ASIC2: variants seen among roughly 807,000 people sequenced by gnomAD.
The protein encoded by ASIC2 is acid-sensing ion channel 2.
ASIC2 carries 25 observed loss-of-function variants against 57.3 expected under a neutral mutation model. That is an observed-to-expected ratio of 0.44 (90% CI 0.32 to 0.61). The LOEUF is 0.61. ASIC2 is among the 20% of genes least tolerant of loss of function. The pLI, the probability that ASIC2 is intolerant of heterozygous loss-of-function variation, is 0.06. For missense variants in ASIC2, 641 were observed against 738.1 expected (o/e 0.87, Z 1.52); for synonymous variants, 319 against 307.5 (o/e 1.04, Z -0.39).
intron 1 of ASIC2, among the ~76,000 whole-genome samples, chr17:33,344,198 A>G (rs17249146): frequency 0.24 from 35,962 of 152,150 alleles, 4,428 homozygotes; most frequent in East Asian, 0.41. Flanking sequence ...TGCCCAATAC[A>G]GGGTGGATGC....
chr17:33,865,771 AC>A lies in ASIC2; in HGVS notation c.555+290206del, dbSNP rs375035162. On this transcript the variant is annotated intron_variant, in intron 1 of 9. Transcript: ENST00000359872. ...AATAAAAAAAAAATAAAAAAAAAAA[AC>A]AAAAAAAAAAACGTTTTTTTATTGA... Among the ~76,000 whole-genome samples the A allele has an allele frequency of 5.3e-3, 428 of 80,714 alleles. 2 individuals carry two copies. Among genetic ancestry groups the A allele is most frequent in the African/African-American group, 0.011 (213 of 19,180 alleles). The allele number at this position is 80,714 out of a possible 152,430, so 53.0% of individuals were successfully genotyped here.
At chr17:33,961,741 G>A (rs1904928073) in intron 1 of ASIC2, among the ~76,000 whole-genome samples, 2 of 109,340 alleles carry the variant, frequency 1.8e-5, no homozygotes, top group South Asian at 5.5e-4. Context: ...ATATTTGGGA[G>A]GGAAAAAAAA....
At chr17:33,462,444 A>G (rs1055697693) in intron 1 of ASIC2, among the ~76,000 whole-genome samples, 2 of 152,104 alleles carry the variant, frequency 1.3e-5, no homozygotes, top group East Asian at 1.9e-4. Flanking sequence ...TCTGACTCTG[A>G]CTATGTGGAT....
chr17:34,134,690 C>T (rs1228724883), intron 1 of ASIC2, among the ~76,000 whole-genome samples: 2 of 152,192 alleles, frequency 1.3e-5, no homozygotes, highest in African/African-American at 4.8e-5. Context: ...GCACCACATA[C>T]TCCAGAATCT....
At chr17:33,450,765 T>C (rs77637418) in intron 1 of ASIC2, among the ~76,000 whole-genome samples, 2,446 of 152,252 alleles carry the variant, frequency 0.016, 28 homozygotes, top group Non-Finnish European at 0.022. Flanking sequence ...AGTAATTGTG[T>C]CTAGATGTGG....
At chr17:33,462,687 C>T (rs1057434737) in intron 1 of ASIC2, among the ~76,000 whole-genome samples, 3 of 152,208 alleles carry the variant, frequency 2.0e-5, no homozygotes, top group Admixed American at 6.5e-5. Context: ...TACAGTGTCC[C>T]CTCCCTTTTG....
intron 3 of ASIC2, among the ~76,000 whole-genome samples, chr17:33,063,671 T>C (rs1371165574): frequency 1.3e-5 from 2 of 152,212 alleles, no homozygotes; most frequent in Non-Finnish European, 2.9e-5. Context: ...AGTATCTTTG[T>C]GGCATTCTCT....
intron 1 of ASIC2, chr17:34,004,505 C>G (rs1192078719): frequency 6.6e-6 from 1 of 152,206 alleles, no homozygotes; most frequent in Non-Finnish European, 1.5e-5. Context: ...CTATAGTTCC[C>G]TCCTCCAAAG....
intron 1 of ASIC2, among the ~76,000 whole-genome samples, chr17:33,901,461 CATTCCTCCCTT>C (rs1250650070): frequency 1.3e-5 from 2 of 152,266 alleles, no homozygotes; most frequent in African/African-American, 4.8e-5. Context: ...TTTCTTCTTC[CATTCCTCCCTT>C]ATTCCTCCCT....
chr17:34,046,042 A>G (rs1180925352), intron 1 of ASIC2, among the ~76,000 whole-genome samples: 3 of 152,134 alleles, frequency 2.0e-5, no homozygotes, highest in Non-Finnish European at 2.9e-5. Flanking sequence ...GAGAGACCAA[A>G]TGGGGTGCCA....
intron 1 of ASIC2, among the ~76,000 whole-genome samples, chr17:33,562,874 G>A (rs906745676): frequency 3.9e-5 from 6 of 152,202 alleles, no homozygotes; most frequent in African/African-American, 1.2e-4. Flanking sequence ...TCAGACCACA[G>A]GATAAACTGG....
chr17:33,691,642 AT>A (rs1025232279), intron 1 of ASIC2, among the ~76,000 whole-genome samples: 30 of 151,188 alleles, frequency 2.0e-4, no homozygotes, highest in African/African-American at 6.8e-4. Flanking sequence ...TAAATTGAAG[AT>A]TTTTTTTTCT....
intron 2 of ASIC2, among the ~76,000 whole-genome samples, chr17:33,102,786 A>G (rs139004633): frequency 0.1 from 15,460 of 150,770 alleles, 966 homozygotes; most frequent in Non-Finnish European, 0.15. Flanking sequence ...TTGTTTGTTT[A>G]TTTATTTATT....
At chr17:33,419,617 T>C (rs1910976499) in intron 1 of ASIC2, among the ~76,000 whole-genome samples, 1 of 152,244 alleles carries the variant, frequency 6.6e-6, no homozygotes, top group South Asian at 2.1e-4. Flanking sequence ...TATTACTCTT[T>C]GATCCAGCAA....
chr17:33,666,755 C>T (rs932627362), intron 1 of ASIC2, among the ~76,000 whole-genome samples: 4 of 152,158 alleles, frequency 2.6e-5, no homozygotes, highest in Non-Finnish European at 5.9e-5. Flanking sequence ...TCTGCACTGG[C>T]CTGGAATGGA....
intron 1 of ASIC2, among the ~76,000 whole-genome samples, chr17:33,274,497 G>T (rs962916327): frequency 6.6e-6 from 1 of 152,194 alleles, no homozygotes; most frequent in African/African-American, 2.4e-5. Context: ...ATAATTGATA[G>T]CAAAAATCTA....
At chr17:34,065,610 G>A (rs11656431) in intron 1 of ASIC2, among the ~76,000 whole-genome samples, 1,793 of 152,134 alleles carry the variant, frequency 0.012, 11 homozygotes, top group Non-Finnish European at 0.014. Context: ...AAAAAAGACC[G>A]CTGAGGGGTT....
chr17:33,424,591 A>G (rs1375549442), intron 1 of ASIC2, among the ~76,000 whole-genome samples: 2 of 152,236 alleles, frequency 1.3e-5, no homozygotes, highest in Non-Finnish European at 2.9e-5. Flanking sequence ...TGCAATTAAC[A>G]TCTCCTTTTA....
intron 1 of ASIC2, among the ~76,000 whole-genome samples, chr17:34,145,043 T>C (rs1046954918): frequency 2.6e-5 from 4 of 152,184 alleles, no homozygotes; most frequent in South Asian, 2.1e-4. Flanking sequence ...TAGGGTTGGC[T>C]CTAGCTCCCA....
Sources: allele counts gnomAD v4.1 joint callset (sites outside exome capture counted in the v4.1 genomes callset), GRCh38; gene constraint gnomAD v4.1.1; transcripts MANE v1.5; gene names NCBI Gene and HGNC (gene_info 2026-07-23, HGNC 2026-07-21).